The following NTM variants were observed in gnomAD, a reference collection of about 807,000 sequenced individuals.
The protein encoded by NTM is neurotrimin, also known as IgLON family member 2.
NTM carries 13 observed loss-of-function variants against 42.1 expected under a neutral mutation model. The observed-to-expected ratio is 0.31, with a 90% CI of 0.20 to 0.49. The LOEUF (loss-of-function observed/expected upper bound fraction) is 0.49, where lower values mean the gene tolerates loss of function less well. Among genes scored for constraint, NTM ranks in the 20% least tolerant of loss-of-function variants. NTM has a pLI of 0.99. For missense variants in NTM, 373 were observed against 452.8 expected (o/e 0.82, Z 1.60); for synonymous variants, 187 against 179.2 (o/e 1.04, Z -0.35).
intron 1 of NTM, among the ~76,000 whole-genome samples, chr11:131,766,312 G>A (rs2085087984): frequency 6.6e-6 from 1 of 152,198 alleles, no homozygotes; most frequent in East Asian, 1.9e-4. Flanking sequence ...CCCATCTCCA[G>A]AAGCTTAGGT....
At chr11:132,234,545 G>A (rs1349077941) in intron 4 of NTM, among the ~76,000 whole-genome samples, 2 of 152,132 alleles carry the variant, frequency 1.3e-5, no homozygotes, top group African/African-American at 4.8e-5. Flanking sequence ...ATGGTCAAAT[G>A]AGCCCTACTC....
intron 1 of NTM, among the ~76,000 whole-genome samples, chr11:131,443,845 A>G (rs78042474): frequency 0.02 from 2,980 of 152,284 alleles, 46 homozygotes; most frequent in Non-Finnish European, 0.03. Context: ...CCTGCCAAGG[A>G]AACAAGGCCT....
chr11:132,245,007 A>G (rs1263570412), intron 4 of NTM, among the ~76,000 whole-genome samples: 1 of 152,226 alleles, frequency 6.6e-6, no homozygotes, highest in African/African-American at 2.4e-5. Flanking sequence ...GAGTGAGAAC[A>G]GTCATAAAAT....
chr11:131,861,739 GAAAA>G (rs992411321), intron 1 of NTM, among the ~76,000 whole-genome samples: 28 of 148,736 alleles, frequency 1.9e-4, no homozygotes, highest in African/African-American at 6.7e-4. Flanking sequence ...AATGCAAAAA[GAAAA>G]AAAAAGAGAG....
intron 1 of NTM, chr11:131,770,860 CAGACACCCT>C (rs2085962970): frequency 6.6e-6 from 1 of 152,178 alleles, no homozygotes; most frequent in African/African-American, 2.4e-5. Context: ...AATCATTGAA[CAGACACCCT>C]ATGCGTCTGT....
intron 3 of NTM, among the ~76,000 whole-genome samples, chr11:132,169,204 G>A (rs1403503161): frequency 6.6e-6 from 1 of 150,958 alleles, no homozygotes; most frequent in Non-Finnish European, 1.5e-5. Flanking sequence ...GTAATCAGCT[G>A]TAGCCATCCA....
rs1229100232 is a variant in NTM at position 131,770,279 on chromosome 11, CA to C, written c.83-141279del. Among the ~76,000 whole-genome samples, 8 of 152,258 alleles carry C rather than the reference CA, an allele frequency of 5.3e-5. 1 individual carries two copies. Among genetic ancestry groups the C allele is most frequent in the African/African-American group, 1.9e-4 (8 of 41,552 alleles). ...AGACCTTTGCTTTCTTCTCCTTTTACAAAAAAGGTGGAAAACTCAGGGTGTT... is the reference window on the plus strand; with the variant it reads ...AGACCTTTGCTTTCTTCTCCTTTTACAAAAAGGTGGAAAACTCAGGGTGTT... On this transcript the variant is annotated intron_variant, in intron 1 of 8. Transcript: ENST00000683400.
intron 1 of NTM, among the ~76,000 whole-genome samples, chr11:131,899,077 C>T (rs1002435014): frequency 3.3e-5 from 5 of 152,138 alleles, no homozygotes; most frequent in African/African-American, 9.7e-5. Context: ...AGACGTATGT[C>T]GTAATCCAGC....
chr11:131,473,983 A>G (rs1381137159), intron 1 of NTM, among the ~76,000 whole-genome samples: 2 of 152,188 alleles, frequency 1.3e-5, no homozygotes, highest in Non-Finnish European at 2.9e-5. Context: ...TTCTTCTGAC[A>G]ATGGTCTTAT....
intron 1 of NTM, among the ~76,000 whole-genome samples, chr11:131,892,299 A>C (rs2051489668): frequency 6.6e-6 from 1 of 152,244 alleles, no homozygotes; most frequent in African/African-American, 2.4e-5. Flanking sequence ...TTATTCCGCA[A>C]ATCTAACATT....
At chr11:131,482,399 T>C (rs536399435) in intron 1 of NTM, among the ~76,000 whole-genome samples, 7 of 152,208 alleles carry the variant, frequency 4.6e-5, no homozygotes, top group Non-Finnish European at 8.8e-5. Context: ...TGCATATTCA[T>C]GGGCAAAAAT....
Position 132,180,647 on chromosome 11 carries a change from C to T in NTM, c.401-31375C>T, listed in dbSNP as rs544918649. Among the ~76,000 whole-genome samples, 12 of 152,248 alleles carry T rather than the reference C, an allele frequency of 7.9e-5. 1 individual carries two copies. In the South Asian group the frequency reaches 2.3e-3, roughly 29 times the overall value. On this transcript the variant is annotated intron_variant, in intron 3 of 8. Coordinates refer to ENST00000683400, the MANE Select transcript of NTM (RefSeq NM_001352005.2). ...CCACAAACCCTCTCAAGCTCTCAGA[C>T]TTTTCTATAACTTGTGTCCTGGGCA...
At chr11:132,004,722 G>C (rs2070371457) in intron 2 of NTM, among the ~76,000 whole-genome samples, 1 of 151,674 alleles carries the variant, frequency 6.6e-6, no homozygotes, top group Non-Finnish European at 1.5e-5. Context: ...GCATATGTGT[G>C]GTAGGATCAC....
At chr11:131,864,668 C>T (rs780828578) in intron 1 of NTM, among the ~76,000 whole-genome samples, 6 of 152,124 alleles carry the variant, frequency 3.9e-5, no homozygotes, top group East Asian at 3.9e-4. Flanking sequence ...AGGGAATGTT[C>T]GATTTTGGTT....
At chr11:131,632,434 A>T (rs1347933639) in intron 1 of NTM, among the ~76,000 whole-genome samples, 1 of 152,008 alleles carries the variant, frequency 6.6e-6, no homozygotes, top group Non-Finnish European at 1.5e-5. Flanking sequence ...ACTTTTCTTT[A>T]AGTCTTGTTT....
At chr11:131,748,788 A>T (rs2135671877) in intron 1 of NTM, among the ~76,000 whole-genome samples, 1 of 152,216 alleles carries the variant, frequency 6.6e-6, no homozygotes, top group South Asian at 2.1e-4. Context: ...GCCTGGCACT[A>T]CTTCTCTTTC....
chr11:132,318,039 C>T (rs2095475752), intron 7 of NTM, among the ~76,000 whole-genome samples: 1 of 152,198 alleles, frequency 6.6e-6, no homozygotes, highest in Non-Finnish European at 1.5e-5. Context: ...TAAAAAGGGT[C>T]TTATTGATGA....
chr11:131,650,927 T>A (rs1339471479), intron 1 of NTM, among the ~76,000 whole-genome samples: 1 of 152,248 alleles, frequency 6.6e-6, no homozygotes, highest in Admixed American at 6.5e-5. Context: ...TTAGATACTA[T>A]TAATCTTCAA....
chr11:132,165,123 C>T (rs1361162856), intron 3 of NTM, among the ~76,000 whole-genome samples: 1 of 152,174 alleles, frequency 6.6e-6, no homozygotes, highest in South Asian at 2.1e-4. Context: ...TTATATCCAA[C>T]ACCGGCAAAG....
Sources: gnomAD v4.1 joint callset for allele counts (sites outside exome capture counted in the v4.1 genomes callset) on GRCh38, gnomAD v4.1.1 for gene constraint, MANE v1.5 for transcripts, NCBI Gene and HGNC (gene_info 2026-07-23, HGNC 2026-07-21) for gene names.